The following UBAP1 variants were observed in gnomAD, a reference collection of about 807,000 sequenced individuals.
The protein encoded by UBAP1 is ubiquitin associated protein 1.
A neutral mutation model predicts 39.0 loss-of-function variants in UBAP1; 5 were observed. That is an observed-to-expected ratio of 0.13 (90% CI 0.07 to 0.27). The LOEUF is 0.27. UBAP1 is among the 10% of genes least tolerant of loss of function. The probability of loss-of-function intolerance (pLI) is 1.00; values close to 1 mark genes in which losing one functional copy is unlikely to be tolerated. For missense variants in UBAP1, 490 were observed against 608.1 expected, an observed-to-expected ratio of 0.81 and a Z score of 2.04; for synonymous variants, 211 against 225.1, an observed-to-expected ratio of 0.94 and a Z score of 0.56.
At chr9:34,236,004 G>T (rs1833683105) in intron 3 of UBAP1, among the ~76,000 whole-genome samples, 1 of 151,646 alleles carries the variant, frequency 6.6e-6, no homozygotes, top group Non-Finnish European at 1.5e-5. Flanking sequence ...GGGATTACAG[G>T]TGTGCACTAC....
At position 34,251,492 on chromosome 9, in the gene UBAP1, A is replaced by G; in HGVS notation, c.1469A>G (p.Asn490Ser). The change falls in exon 7 of 7, where the codon AAT becomes AGT. Residue 490 changes from asparagine (N) to serine (S), a missense_variant. By Grantham distance (46) the Asn-to-Ser change is conservative (BLOSUM62 1). Coordinates refer to ENST00000297661, the MANE Select transcript of UBAP1 (RefSeq NM_016525.5). ...VLLLHNNDQD[N>S]ALEDLMARAG... ...CTATTACACAACAATGACCAGGACAATGCTTTGGAAGACCTCATGGCTCGG... is the reference window on the plus strand; with the variant it reads ...CTATTACACAACAATGACCAGGACAGTGCTTTGGAAGACCTCATGGCTCGG... 1 of 1,614,202 alleles carries G rather than the reference A, an allele frequency of 6.2e-7. No individual in the cohort carries two copies. Among genetic ancestry groups the G allele is most frequent in the Non-Finnish European group, 8.5e-7 (1 of 1,180,038 alleles).
At chr9:34,207,091 G>A (rs1418778045) in intron 1 of UBAP1, among the ~76,000 whole-genome samples, 2 of 106,350 alleles carry the variant, frequency 1.9e-5, no homozygotes, top group East Asian at 5.8e-4. Flanking sequence ...TGCTCTTGTC[G>A]CCCAGGCTGG....
chr9:34,191,295 T>A (rs1369003418), intron 1 of UBAP1, among the ~76,000 whole-genome samples: 1 of 151,986 alleles, frequency 6.6e-6, no homozygotes. Context: ...AGAGATGGGG[T>A]CTTGCTATGT....
intron 2 of UBAP1, among the ~76,000 whole-genome samples, chr9:34,227,582 A>C (rs1833170873): frequency 6.6e-6 from 1 of 152,200 alleles, no homozygotes; most frequent in African/African-American, 2.4e-5. Flanking sequence ...TTTAGAAAGA[A>C]ACAAAGCAAA....
At chr9:34,201,959 G>A (rs1202185773) in intron 1 of UBAP1, among the ~76,000 whole-genome samples, 5 of 152,150 alleles carry the variant, frequency 3.3e-5, no homozygotes, top group African/African-American at 7.2e-5. Flanking sequence ...TTCTAAAGGC[G>A]ATTGCAAAGT....
intron 1 of UBAP1, among the ~76,000 whole-genome samples, chr9:34,217,447 G>C (rs1163320752): frequency 6.6e-6 from 1 of 152,092 alleles, no homozygotes; most frequent in Non-Finnish European, 1.5e-5. Context: ...TGTTGGCCAG[G>C]CTGGTCTCGA....
At chr9:34,187,330 A>G (rs1830460734) in intron 1 of UBAP1, among the ~76,000 whole-genome samples, 2 of 152,128 alleles carry the variant, frequency 1.3e-5, no homozygotes, top group African/African-American at 4.8e-5. Flanking sequence ...TATTTCCAAT[A>G]TTTGCTTGAT....
intron 1 of UBAP1, among the ~76,000 whole-genome samples, chr9:34,198,528 A>T (rs544036486): frequency 6.6e-6 from 1 of 152,298 alleles, no homozygotes; most frequent in East Asian, 1.9e-4. Context: ...AGCCAGGCAG[A>T]ATGTTGACTG....
intron 2 of UBAP1, among the ~76,000 whole-genome samples, chr9:34,226,433 C>T (rs906526854): frequency 2.6e-5 from 4 of 151,990 alleles, no homozygotes; most frequent in African/African-American, 9.7e-5. Context: ...GACAGGGTTT[C>T]GCCATGTTGG....
At chr9:34,196,898 TTGTG>T (rs777008697) in intron 1 of UBAP1, among the ~76,000 whole-genome samples, 6,964 of 141,370 alleles carry the variant, frequency 0.049, 208 homozygotes, top group South Asian at 0.1. Context: ...ATATTGTTAT[TTGTG>T]TGTGTGTGTG....
intron 1 of UBAP1, among the ~76,000 whole-genome samples, chr9:34,213,378 GCAGGCGCTTGCAATCC>G (rs1002317894): frequency 3.4e-4 from 52 of 152,220 alleles, no homozygotes; most frequent in African/African-American, 1.2e-3. Flanking sequence ...CGGCATGGTG[GCAGGCGCTTGCAATCC>G]CAGCTACTCA....
chr9:34,216,349 ACC>A (rs1205840317), intron 1 of UBAP1, among the ~76,000 whole-genome samples: 33 of 152,144 alleles, frequency 2.2e-4, no homozygotes, highest in African/African-American at 8.0e-4. Flanking sequence ...TCCAAAGGAG[ACC>A]CTTACCAACT....
chr9:34,207,048 C>CTTTT (rs34197502), intron 1 of UBAP1, among the ~76,000 whole-genome samples: 141 of 90,036 alleles, frequency 1.6e-3, no homozygotes, highest in East Asian at 6.5e-3. Context: ...ATTGTTATTT[C>CTTTT]TTTTTTTTTT....
At chr9:34,232,962 T>C (rs1833504748) in intron 2 of UBAP1, among the ~76,000 whole-genome samples, 1 of 152,214 alleles carries the variant, frequency 6.6e-6, no homozygotes, top group Admixed American at 6.5e-5. Flanking sequence ...GAGAGTCTCA[T>C]ATAAGAGGCG....
chr9:34,215,197 C>T (rs1203043580), intron 1 of UBAP1, among the ~76,000 whole-genome samples: 3 of 151,914 alleles, frequency 2.0e-5, no homozygotes, highest in Admixed American at 1.3e-4. Flanking sequence ...GCACAATTCA[C>T]AAGTGTAAAA....
At chr9:34,217,780 G>GTTTTT (rs1402104440) in intron 1 of UBAP1, among the ~76,000 whole-genome samples, 4 of 29,406 alleles carry the variant, frequency 1.4e-4, no homozygotes, top group Non-Finnish European at 1.4e-4. Flanking sequence ...ACAGGATTTC[G>GTTTTT]TTCTTTTTTT....
At chr9:34,208,178 C>T (rs1831816548) in intron 1 of UBAP1, among the ~76,000 whole-genome samples, 1 of 151,804 alleles carries the variant, frequency 6.6e-6, no homozygotes, top group Non-Finnish European at 1.5e-5. Context: ...CTCACTTGGA[C>T]ATGGTTTATT....
intron 1 of UBAP1, among the ~76,000 whole-genome samples, chr9:34,205,921 G>A (rs758970162): frequency 2.6e-5 from 4 of 152,214 alleles, no homozygotes; most frequent in Non-Finnish European, 5.9e-5. Flanking sequence ...GAACCCCGGA[G>A]GTGGAGGTTT....
At chr9:34,236,580 C>T (rs1833711893) in intron 3 of UBAP1, among the ~76,000 whole-genome samples, 1 of 152,068 alleles carries the variant, frequency 6.6e-6, no homozygotes, top group South Asian at 2.1e-4. Context: ...TCCCATTGCC[C>T]ATTTAACTAG....
Sources: gnomAD v4.1 joint callset for allele counts (sites outside exome capture counted in the v4.1 genomes callset) on GRCh38, gnomAD v4.1.1 for gene constraint, MANE v1.5 for transcripts, NCBI Gene and HGNC (gene_info 2026-07-23, HGNC 2026-07-21) for gene names.